BRWD1: variants seen among roughly 807,000 people sequenced by gnomAD.
BRWD1 encodes the protein bromodomain and WD repeat domain containing 1, also known as bromodomain and WD repeat-containing protein 1.
A neutral mutation model predicts 251.2 loss-of-function variants in BRWD1; 82 were observed. The observed-to-expected ratio is 0.33, with a 90% CI of 0.27 to 0.39. The LOEUF (loss-of-function observed/expected upper bound fraction) is 0.39. BRWD1 is among the 10% of genes least tolerant of loss of function. BRWD1 has a pLI of 1.00. For missense variants in BRWD1, 2,233 were observed against 2,711.6 expected, an observed-to-expected ratio of 0.82 and a Z score of 3.92; for synonymous variants, 918 against 902.8, an observed-to-expected ratio of 1.02 and a Z score of -0.30.
intron 4 of BRWD1, among the ~76,000 whole-genome samples, chr21:39,311,684 C>T (rs2036489031): frequency 6.6e-6 from 1 of 152,172 alleles, no homozygotes; most frequent in Non-Finnish European, 1.5e-5. Flanking sequence ...AACACATTGC[C>T]ATCAGAATTT....
At chr21:39,289,063 G>T (rs753250035) in intron 8 of BRWD1, among the ~76,000 whole-genome samples, 2 of 152,164 alleles carry the variant, frequency 1.3e-5, no homozygotes, top group Non-Finnish European at 2.9e-5. Context: ...TTTCAGTTGA[G>T]ACTTGCTTTA....
At position 39,295,679 on chromosome 21, in the gene BRWD1, A is replaced by G. The variant is rs73359571; in HGVS notation, c.609+64T>C. 761 of 1,259,176 alleles carry G rather than the reference A, an allele frequency of 6.0e-4. 10 individuals carry two copies. The African/African-American group carries it at 0.011, about 18-fold the overall frequency. The allele number at this position is 1,259,176 out of a possible 1,614,324, so 78.0% of individuals were successfully genotyped here. A position where few individuals can be genotyped will look rare whatever the true frequency, so the allele number is the denominator to read the frequency against. ...GGAAACAGAAACTAAGATTTCCTAG[A>G]TGATTCTGAAGCACACTAAAGTACT... On this transcript the variant is annotated intron_variant, in intron 7 of 40. Coordinates refer to ENST00000342449, the MANE Select transcript of BRWD1 (RefSeq NM_033656.4).
Position 39,200,299 on chromosome 21 carries a change from C to A in BRWD1, c.4673G>T (p.Arg1558Leu). Residue 1558 changes from arginine to leucine, a missense_variant, in exon 39 of 41, where the codon CGT becomes CTT. Coordinates refer to ENST00000342449, the MANE Select transcript of BRWD1 (RefSeq NM_033656.4). ...TAGCCCACTGCGTGAGGAGGATTCA[C>A]GAGCTCTGGAACTCTCTTTGCTTTC... The part of the protein sequence containing the change: ...SEESKESSRA[R>L]ESSSRSGLSR... The A allele has an allele frequency of 1.2e-6, 2 of 1,614,082 alleles. No individual in the cohort carries two copies. The highest frequency in any genetic ancestry group is 1.7e-6 in the Non-Finnish European group (2 of 1,179,988).
At chr21:39,212,272 G>A (rs1702690033) in intron 34 of BRWD1, among the ~76,000 whole-genome samples, 1 of 151,974 alleles carries the variant, frequency 6.6e-6, no homozygotes, top group Non-Finnish European at 1.5e-5. Context: ...TACTTTAAAT[G>A]AAATCCTTGG....
intron 4 of BRWD1, among the ~76,000 whole-genome samples, chr21:39,306,574 T>C (rs931200672): frequency 1.9e-4 from 29 of 152,196 alleles, no homozygotes; most frequent in African/African-American, 6.0e-4. Context: ...AATAATGTGT[T>C]ACATTTTTGT....
At chr21:39,229,046 G>GT (rs2033500893) in intron 26 of BRWD1, among the ~76,000 whole-genome samples, 2 of 152,040 alleles carry the variant, frequency 1.3e-5, no homozygotes, top group Admixed American at 6.6e-5. Context: ...AATTTGGCCC[G>GT]TATGTCAGAA....
chr21:39,280,769 GA>G (rs904237092), intron 8 of BRWD1, among the ~76,000 whole-genome samples: 5 of 152,116 alleles, frequency 3.3e-5, no homozygotes, highest in African/African-American at 1.2e-4. Context: ...CAGTAATCTG[GA>G]AAAAAACTAA....
Position 39,210,013 on chromosome 21 carries a change from T to G in BRWD1, c.4179A>C (p.Thr1393=). ...AAATTACCTTTGATCTTTTGTTTGG[T>G]GTATACGCTTTTGCATTGCTAAATA... ...RLIFSNAKAY[T]PNKRSKIYSM... is the part of the protein sequence containing the mutation. Residue 1393 remains threonine (T), a synonymous_variant, in exon 36 of 41, where the codon ACA becomes ACC. Transcript: ENST00000342449. The G allele has an allele frequency of 1.2e-6, 2 of 1,613,442 alleles. No homozygotes were observed. The highest frequency in any genetic ancestry group is 8.5e-7 in the Non-Finnish European group (1 of 1,179,712).
chr21:39,218,223 C>G lies in BRWD1; in HGVS notation c.3588G>C (p.Lys1196Asn). The G allele has an allele frequency of 6.2e-7, 1 of 1,612,570 alleles. No homozygotes were observed. Among genetic ancestry groups the G allele is most frequent in the Non-Finnish European group, 8.5e-7 (1 of 1,179,620 alleles). Residue 1196 changes from lysine to asparagine, a missense_variant, in exon 31 of 41, where the codon AAG (lysine) becomes AAC (asparagine). By Grantham distance (94) the Lys-to-Asn change is moderately conservative. Transcript: ENST00000342449. ...AGPVDLCTYP[K>N]YCTVVAYPTD... The stretch of plus-strand genomic sequence containing the variant: ...TTGGATAAGCTACTACAGTACAGTA[C>G]TTCGGGTATGTACACAAATCAACAG...
At chr21:39,281,362 T>C (rs1278163555) in intron 8 of BRWD1, among the ~76,000 whole-genome samples, 1 of 152,064 alleles carries the variant, frequency 6.6e-6, no homozygotes, top group African/African-American at 2.4e-5. Flanking sequence ...CTTCTCCCCC[T>C]AGAATGGGGA....
At chr21:39,198,700 T>C (rs1339440637) in intron 40 of BRWD1, 63 bp downstream of exon 40, 2 of 1,408,328 alleles carry the variant, frequency 1.4e-6, no homozygotes, top group East Asian at 2.3e-5. Context: ...AAAAAACCAA[T>C]GTGTGTAAGA....
In BRWD1 at chr21:39,309,462, G is replaced by A. The variant is rs555303171; in HGVS notation, c.198+3379C>T. On this transcript the variant is annotated intron_variant, in intron 4 of 40. Transcript: ENST00000342449. ...AATAGAGTGAGACCCAGGGTGGGGC[G>A]GGGAGAGAATCAATCAGTCAATGCA... 7.9e-5 allele frequency among the ~76,000 whole-genome samples: 12 copies of A among 152,122 alleles called. 1 individual carries two copies. The South Asian group carries it at 2.3e-3, about 29-fold the overall frequency.
At chr21:39,313,774 C>T (rs1266205865), upstream of BRWD1, 4 of 391,448 alleles carry the variant, frequency 1.0e-5, no homozygotes, top group African/African-American at 6.6e-5. Context: ...CAGCTCTCTG[C>T]CTCCGGGGAC....
chr21:39,228,541 C>T lies in BRWD1; in HGVS notation c.3167G>A (p.Arg1056His), dbSNP rs1420688608. The T allele has an allele frequency of 1.1e-5, 17 of 1,612,814 alleles. No homozygotes were observed. Among genetic ancestry groups the T allele is most frequent in the African/African-American group, 2.7e-5 (2 of 74,836 alleles). Residue 1056 changes from arginine (R) to histidine (H), a missense_variant, in exon 27 of 41, where the codon CGT (arginine) becomes CAT (histidine). Coordinates refer to ENST00000342449, the MANE Select transcript of BRWD1 (RefSeq NM_033656.4). ...CTGTCTTGCTTCATCATAAAATTGA[C>T]GCAATACAAGAAAGTCAATAACATC... The part of the protein sequence containing the change: ...MPDVIDFLVL[R>H]QFYDEARQRN...
At position 39,209,630 on chromosome 21, in the gene BRWD1, T is replaced by G. The variant is rs2032569359; in HGVS notation, c.4197+365A>C. On this transcript the variant is annotated intron_variant, in intron 36 of 40. Transcript: ENST00000342449. ...CAGATTTTCCTTTTTACTTTTAATA[T>G]TCTTACAGTCTCGATCTATGTTTCC... Among the ~76,000 whole-genome samples the G allele has an allele frequency of 2.6e-5, 4 of 152,200 alleles. No homozygotes were observed. In the South Asian group the frequency reaches 8.3e-4, roughly 31 times the overall value.
intron 4 of BRWD1, among the ~76,000 whole-genome samples, chr21:39,307,311 C>T (rs141707342): frequency 6.6e-6 from 1 of 152,256 alleles, no homozygotes; most frequent in East Asian, 1.9e-4. Context: ...TAAGACTAAA[C>T]TTGTAAATAG....
At chr21:39,282,844 A>T (rs921957702) in intron 8 of BRWD1, among the ~76,000 whole-genome samples, 17 of 152,078 alleles carry the variant, frequency 1.1e-4, no homozygotes, top group African/African-American at 4.1e-4. Context: ...CTGTAATCCC[A>T]ACTACTCGGG....
intron 32 of BRWD1, 32 bp from the exon 33 acceptor site, chr21:39,213,585 C>T: frequency 1.4e-6 from 2 of 1,423,676 alleles, no homozygotes; most frequent in South Asian, 1.2e-5. Context: ...TAATAGTATG[C>T]AGATGTAGTG....
Position 39,188,497 on chromosome 21 carries a change from G to A in BRWD1, c.*7762C>T. ...TACTATCAAGTAACACTATTATTCT[G>A]TAGCAATGAAACCACCAATGCCAAC... On this transcript the variant is annotated 3_prime_UTR_variant, in exon 41 of 41. Coordinates refer to ENST00000342449, the MANE Select transcript of BRWD1 (RefSeq NM_033656.4). 2.0e-6 allele frequency: 2 copies of A among 985,358 alleles called. No homozygotes were observed. The highest frequency in any genetic ancestry group is 1.2e-6 in the Non-Finnish European group (1 of 829,886). The allele number at this position is 985,358 out of a possible 1,614,324, so 61.0% of individuals were successfully genotyped here.
Sources: allele counts gnomAD v4.1 joint callset (sites outside exome capture counted in the v4.1 genomes callset), GRCh38; gene constraint gnomAD v4.1.1; transcripts MANE v1.5; gene names NCBI Gene and HGNC (gene_info 2026-07-23, HGNC 2026-07-21).